The following TARDBP variants were observed in gnomAD, a reference collection of about 807,000 sequenced individuals.
TARDBP encodes TAR DNA binding protein.
Under a neutral mutation model 38.3 loss-of-function variants are expected in TARDBP, and 4 were observed. The ratio of observed to expected loss-of-function variants is 0.10; its 90% confidence interval spans 0.05 to 0.24. The LOEUF (loss-of-function observed/expected upper bound fraction) is 0.24. Ranked by LOEUF, TARDBP falls within the 10% of genes least tolerant of loss-of-function variation. The pLI, the probability that TARDBP is intolerant of heterozygous loss-of-function variation, is 1.00. For synonymous variants in TARDBP, 184 were observed against 183.8 expected (o/e 1.00, Z -0.01); for missense variants, 202 against 521.9 (o/e 0.39, Z 5.97).
At chr1:11,018,637 T>C in intron 3 of TARDBP, 96 bp from the exon 4 acceptor site, 1 of 1,577,894 alleles carries the variant, frequency 6.3e-7, no homozygotes, top group Non-Finnish European at 8.7e-7. Context: ...TGCATCCAGT[T>C]GAAACCATTC....
chr1:11,019,311 A>G (rs1490285827), intron 4 of TARDBP: 1 of 311,874 alleles, frequency 3.2e-6, no homozygotes, highest in East Asian at 8.8e-5. Context: ...AAATCCAAAC[A>G]CAGTCATGTA....
chr1:11,017,441 T>C lies in TARDBP; in HGVS notation c.402+434T>C, dbSNP rs555349568. 2.0e-5 allele frequency among the ~76,000 whole-genome samples: 3 copies of C among 152,282 alleles called. No individual in the cohort carries two copies. In the South Asian group the frequency reaches 6.2e-4, roughly 32 times the overall value. ...TTCTTGAACTCCTGACCTCAAGTGA[T>C]CCACCTGCCTTGGCCTCCCAAAGTG... On this transcript the variant is annotated intron_variant, in intron 3 of 5. Transcript: ENST00000240185.
In TARDBP at chr1:11,023,085, T is replaced by G. The variant is rs1643672304; in HGVS notation, c.*431T>G. ...TTTTTTTCCTTAAGAAAATCTCCTT[T>G]TAGGAGATCATGGTGTCACAGTGTT... On this transcript the variant is annotated 3_prime_UTR_variant, in exon 6 of 6. Transcript: ENST00000240185. 3 of 1,495,244 alleles carry G rather than the reference T, an allele frequency of 2.0e-6. No individual in the cohort carries two copies. The highest frequency in any genetic ancestry group is 1.3e-5 in the South Asian group (1 of 75,196). The allele number at this position is 1,495,244 out of a possible 1,614,324, so 92.6% of individuals were successfully genotyped here. A position where few individuals can be genotyped will look rare whatever the true frequency, so the allele number is the denominator to read the frequency against.
rs1227577044 is a variant in TARDBP, at chr1:11,023,963, G to A, written c.*1309G>A. On this transcript the variant is annotated 3_prime_UTR_variant, in exon 6 of 6. Coordinates refer to ENST00000240185, the MANE Select transcript of TARDBP (RefSeq NM_007375.4). ...GCTACCCATAAGAATGCTGTTTGCT[G>A]CAGTTCTGTGTCCTGTGCTTGGATG... 1 of 152,642 alleles carries A rather than the reference G, an allele frequency of 6.6e-6. No individual in the cohort carries two copies. The highest frequency in any genetic ancestry group is 2.4e-5 in the African/African-American group (1 of 41,466). 9.5% of individuals were successfully genotyped at this position (152,642 alleles called of 1,614,324 possible). A position where few individuals can be genotyped will look rare whatever the true frequency, so the allele number is the denominator to read the frequency against.
At chr1:11,017,647 T>C (rs1643554906) in intron 3 of TARDBP, among the ~76,000 whole-genome samples, 1 of 152,220 alleles carries the variant, frequency 6.6e-6, no homozygotes, top group South Asian at 2.1e-4. Context: ...TTAAGGGAAG[T>C]AGGTGACAAT....
At position 11,022,675 on chromosome 1, in the gene TARDBP, T is replaced by G. The variant is rs1002574163; in HGVS notation, c.*21T>G. 2 of 1,601,216 alleles carry G rather than the reference T, an allele frequency of 1.2e-6. No individual in the cohort carries two copies. The highest frequency in any genetic ancestry group is 2.7e-5 in the African/African-American group (2 of 74,306). ...TGTAGACAGTGGGGTTGTGGTTGGT[T>G]GGTATAGAATGGTGGGAATTCAAAT... On this transcript the variant is annotated 3_prime_UTR_variant, in exon 6 of 6. Transcript: ENST00000240185. The surrounding 1 kb of genome is among the most constrained non-coding windows in gnomAD (Gnocchi z 4.5).
At chr1:11,026,212 T>C (rs1218819612), downstream of TARDBP, 1 of 152,552 alleles carries the variant, frequency 6.6e-6, no homozygotes, top group Non-Finnish European at 1.5e-5. Flanking sequence ...TTGAAATGTA[T>C]TGCCAGTCTG....
downstream of TARDBP, chr1:11,030,335 G>T: frequency 1.1e-6 from 1 of 933,580 alleles, no homozygotes; most frequent in Non-Finnish European, 1.7e-6. Flanking sequence ...GAAAAATGTT[G>T]ATTCTTGAGC....
At chr1:11,019,147 T>A (rs556458586) in intron 4 of TARDBP, 2 of 463,260 alleles carry the variant, frequency 4.3e-6, no homozygotes, top group South Asian at 4.2e-5. Flanking sequence ...AAGTTAATAG[T>A]TTCTTACATA....
downstream of TARDBP, chr1:11,027,033 A>G: frequency 6.3e-7 from 1 of 1,597,032 alleles, no homozygotes; most frequent in South Asian, 1.1e-5. Flanking sequence ...ATCTAGAAAC[A>G]CCAGTGCCCC....
chr1:11,028,821 C>G (rs188897371), downstream of TARDBP, among the ~76,000 whole-genome samples: 186 of 149,970 alleles, frequency 1.2e-3, 1 homozygote, highest in African/African-American at 4.5e-3. Context: ...TCATGCCATT[C>G]TCCTGCCTCA....
chr1:11,021,844 T>C (rs141347891), intron 5 of TARDBP, among the ~76,000 whole-genome samples: 7 of 152,232 alleles, frequency 4.6e-5, no homozygotes, highest in Middle Eastern at 3.4e-3. Flanking sequence ...CTTGAACTAT[T>C]GGCCTCACAC....
chr1:11,014,369 A>G (rs1327151174), intron 2 of TARDBP, among the ~76,000 whole-genome samples: 1 of 152,230 alleles, frequency 6.6e-6, no homozygotes, highest in East Asian at 1.9e-4. Flanking sequence ...ATGAGCAAAC[A>G]GTTGGAGTAG....
chr1:11,014,609 T>G (rs775637673), intron 2 of TARDBP, among the ~76,000 whole-genome samples: 5 of 152,146 alleles, frequency 3.3e-5, no homozygotes, highest in African/African-American at 4.8e-5. Flanking sequence ...GTCCATCAAA[T>G]TTGGTCAGTA....
rs1237385692 is a variant in TARDBP at position 11,022,405 on chromosome 1, C to T, written c.996C>T (p.Ser332=). ...MMAAAQAALQ[S]SWGMMGMLAS... is the part of the protein sequence containing the mutation. The stretch of plus-strand genomic sequence containing the variant: ...CTGCCGCCCAGGCAGCACTACAGAG[C>T]AGTTGGGGTATGATGGGCATGTTAG... Residue 332 remains serine (S), a synonymous_variant, in exon 6 of 6, where the codon AGC becomes AGT. Coordinates refer to ENST00000240185, the MANE Select transcript of TARDBP (RefSeq NM_007375.4). This position sits in a 1 kb window ranked among gnomAD's most constrained non-coding sequence, Gnocchi z 4.5. The T allele has an allele frequency of 1.9e-6, 3 of 1,613,974 alleles. No homozygotes were observed. The highest frequency in any genetic ancestry group is 1.1e-5 in the South Asian group (1 of 91,076).
chr1:11,023,380 A>G lies in TARDBP; in HGVS notation c.*726A>G, dbSNP rs1458862180. The stretch of plus-strand genomic sequence containing the variant: ...CTCTTTATTTCATGGAGTCGTATCA[A>G]CGCTATGAACGCAAGGCTGTGATAT... On this transcript the variant is annotated 3_prime_UTR_variant, in exon 6 of 6. Coordinates refer to ENST00000240185, the MANE Select transcript of TARDBP (RefSeq NM_007375.4). 9 of 974,868 alleles carry G rather than the reference A, an allele frequency of 9.2e-6. No homozygotes were observed. Among genetic ancestry groups the G allele is most frequent in the African/African-American group, 1.6e-5 (1 of 61,366 alleles). 60.4% of individuals were successfully genotyped at this position (974,868 alleles called of 1,614,324 possible).
At chr1:11,027,637 A>G (rs572449800), downstream of TARDBP, 7 of 1,604,328 alleles carry the variant, frequency 4.4e-6, no homozygotes, top group African/African-American at 5.4e-5. Flanking sequence ...GTGCGGGCTG[A>G]TAGTCCACAA....
At chr1:11,028,258 G>A (rs1643774272), downstream of TARDBP, among the ~76,000 whole-genome samples, 1 of 152,112 alleles carries the variant, frequency 6.6e-6, no homozygotes, top group Admixed American at 6.6e-5. Context: ...GGGCAAGCAG[G>A]CATTGTCTGA....
chr1:11,030,275 A>T, downstream of TARDBP: 1 of 1,528,838 alleles, frequency 6.5e-7, no homozygotes, highest in Non-Finnish European at 9.0e-7. Context: ...AAAAGCAAAA[A>T]TGTTTAACTG....
Sources: allele counts gnomAD v4.1 joint callset (sites outside exome capture counted in the v4.1 genomes callset), GRCh38; gene constraint gnomAD v4.1.1; non-coding constraint Gnocchi (gnomAD v3.1); transcripts MANE v1.5; gene names NCBI Gene and HGNC (gene_info 2026-07-23, HGNC 2026-07-21).